DDX31: variants seen among roughly 807,000 people sequenced by gnomAD.
DDX31 encodes the protein DEAD-box helicase 31.
DDX31 carries 70 observed loss-of-function variants against 91.3 expected under a neutral mutation model. That is an observed-to-expected ratio of 0.77 (90% CI 0.63 to 0.94). The LOEUF is 0.94. DDX31 is among the 40% of genes least tolerant of loss of function. DDX31 has a pLI of 0.00. For synonymous variants in DDX31, 362 were observed against 350.6 expected, an observed-to-expected ratio of 1.03 and a Z score of -0.36; for missense variants, 902 against 925.0, an observed-to-expected ratio of 0.98 and a Z score of 0.32.
chr9:132,637,326 G>A lies in DDX31; in HGVS notation c.1440+4678C>T, dbSNP rs10435976. Among the ~76,000 whole-genome samples, 8 of 152,242 alleles carry A rather than the reference G, an allele frequency of 5.3e-5. No homozygotes were observed. In the South Asian group the frequency reaches 8.3e-4, roughly 16 times the overall value. Reference sequence around the variant, plus strand: ...TCATTTTATTCCTTTAAGCTAATTCGAGCAAAAGAATTGCTAAAGTCAGTT... The same window carrying A: ...TCATTTTATTCCTTTAAGCTAATTCAAGCAAAAGAATTGCTAAAGTCAGTT... On this transcript the variant is annotated intron_variant, in intron 14 of 19. Coordinates refer to ENST00000372159, the MANE Select transcript of DDX31 (RefSeq NM_022779.9).
chr9:132,628,058 A>T (rs546302177), intron 16 of DDX31, among the ~76,000 whole-genome samples: 2 of 152,256 alleles, frequency 1.3e-5, no homozygotes, highest in African/African-American at 4.8e-5. Flanking sequence ...TAAGTCAAAG[A>T]AACAGTTCAT....
At position 132,594,040 on chromosome 9, in the gene DDX31, G is replaced by T. The variant is rs368001464; in HGVS notation, c.*826C>A. On this transcript the variant is annotated 3_prime_UTR_variant, in exon 20 of 20. Transcript: ENST00000372159. ...GGGCAGGGCGGGGTGGGTCGGGGGC[G>T]GGGGGCGGGCAGCTGTGGCCTGGGT... 2.7e-5 allele frequency: 4 copies of T among 149,538 alleles called. No homozygotes were observed. The South Asian group carries it at 6.5e-4, about 24-fold the overall frequency. 9.3% of individuals were successfully genotyped at this position (149,538 alleles called of 1,614,324 possible). A position where few individuals can be genotyped will look rare whatever the true frequency, so the allele number is the denominator to read the frequency against.
At chr9:132,630,197 C>T in intron 16 of DDX31, 67 bp downstream of exon 16, 1 of 1,489,300 alleles carries the variant, frequency 6.7e-7, no homozygotes, top group Admixed American at 2.0e-5. Context: ...GGCCCATTCA[C>T]TGTAAAAAGC....
rs1354930724 is a variant in DDX31, at chr9:132,655,903, G to A, written c.588+2768C>T. Reference sequence around the variant, plus strand: ...TTTGGAATTCAAACCAGAGTTGTCTGTACTCAACATCGACTTTGTGAGACT... The same window carrying A: ...TTTGGAATTCAAACCAGAGTTGTCTATACTCAACATCGACTTTGTGAGACT... On this transcript the variant is annotated intron_variant, in intron 6 of 19. Coordinates refer to ENST00000372159, the MANE Select transcript of DDX31 (RefSeq NM_022779.9). Among the ~76,000 whole-genome samples the A allele has an allele frequency of 3.3e-5, 5 of 152,284 alleles. No individual in the cohort carries two copies. The East Asian group carries it at 7.7e-4, about 24-fold the overall frequency.
Position 132,648,210 on chromosome 9 carries a change from G to GCT in DDX31, c.945_946insAG (p.Leu316SerfsTer10). 2 of 1,613,824 alleles carry GCT rather than the reference G, an allele frequency of 1.2e-6. No homozygotes were observed. The highest frequency in any genetic ancestry group is 2.2e-5 in the South Asian group (2 of 91,006). On this transcript the variant is annotated frameshift_variant, in exon 11 of 20. Transcript: ENST00000372159. LOFTEE classifies it high-confidence loss of function. Reference sequence around the variant, plus strand: ...TCACCTTCTGTGAGTGTCGCTGATAGCAAGACATTCTGTCGTTTTTGGCAT... The same window carrying GCT: ...TCACCTTCTGTGAGTGTCGCTGATAGCTCAAGACATTCTGTCGTTTTTGGCAT...
intron 7 of DDX31, 43 bp from the exon 8 acceptor site, chr9:132,651,159 C>CT (rs200786970): frequency 0.18 from 211,961 of 1,189,314 alleles, 1,003 homozygotes; most frequent in Admixed American, 0.22. Context: ...CAGGATCCCC[C>CT]TTTTTTTTTT....
chr9:132,619,455 T>A (rs994165454), intron 17 of DDX31, among the ~76,000 whole-genome samples: 1 of 152,160 alleles, frequency 6.6e-6, no homozygotes, highest in East Asian at 1.9e-4. Context: ...GGACGGTGTA[T>A]GAGCGCCTGC....
In DDX31 at chr9:132,662,508, T is replaced by C. The variant is rs1030628739; in HGVS notation, c.263A>G (p.Gln88Arg). The C allele has an allele frequency of 6.2e-7, 1 of 1,614,118 alleles. No homozygotes were observed. Among genetic ancestry groups the C allele is most frequent in the Non-Finnish European group, 8.5e-7 (1 of 1,180,040 alleles). The change falls in exon 2 of 20, where the codon CAG becomes CGG. Residue 88 changes from glutamine to arginine, a missense_variant. By Grantham distance (43) the Gln-to-Arg change is conservative. Transcript: ENST00000372159. The stretch of plus-strand genomic sequence containing the variant: ...AGTCTTAATGCACTGTCTCTCCTCC[T>C]GGTTTCTATCACTTGTGCTAACCGA... ...KHSVSTSDRNQEERQCIKTSS... is the reference protein window; with the variant it reads ...KHSVSTSDRNREERQCIKTSS...
intron 14 of DDX31, among the ~76,000 whole-genome samples, chr9:132,632,661 G>C (rs1404412811): frequency 6.6e-6 from 1 of 151,960 alleles, no homozygotes; most frequent in African/African-American, 2.4e-5. Flanking sequence ...GAAGTGCAAA[G>C]TATTTACTTA....
chr9:132,654,932 C>A (rs1203264832), intron 6 of DDX31, among the ~76,000 whole-genome samples: 1 of 126,322 alleles, frequency 7.9e-6, no homozygotes, highest in East Asian at 2.3e-4. Flanking sequence ...GGCAACAGAG[C>A]GAGACTCTGT....
rs187325644 is a variant in DDX31 at position 132,600,065 on chromosome 9, C to T, written c.1995-4953G>A. 1.7e-3 allele frequency among the ~76,000 whole-genome samples: 255 copies of T among 152,322 alleles called. 1 individual carries two copies. The highest frequency in any genetic ancestry group is 2.9e-3 in the South Asian group (14 of 4,824). ...AGGGGAATGTGACAAGCGGGCCCTCCGTATGCTTGTACACAGAGGAGCTGA... is the reference window on the plus strand; with the variant it reads ...AGGGGAATGTGACAAGCGGGCCCTCTGTATGCTTGTACACAGAGGAGCTGA... On this transcript the variant is annotated intron_variant, in intron 19 of 19. Transcript: ENST00000372159.
chr9:132,615,312 C>T (rs1273938718), intron 18 of DDX31, among the ~76,000 whole-genome samples: 1 of 152,164 alleles, frequency 6.6e-6, no homozygotes, highest in African/African-American at 2.4e-5. Flanking sequence ...AAACAAACCT[C>T]CAGCCTGGAA....
intron 16 of DDX31, among the ~76,000 whole-genome samples, chr9:132,626,246 C>A (rs1412254234): frequency 6.6e-6 from 1 of 152,226 alleles, no homozygotes; most frequent in Non-Finnish European, 1.5e-5. Context: ...GCAGCACTGG[C>A]CTTTCTTCTT....
At chr9:132,659,884 C>G in intron 4 of DDX31, 104 bp from the exon 5 acceptor site, 1 of 1,018,318 alleles carries the variant, frequency 9.8e-7, no homozygotes, top group Non-Finnish European at 1.5e-6. Context: ...ATTCATCTGG[C>G]AACTGCCTCC....
In DDX31 at chr9:132,647,006, G is replaced by A. The variant is rs767272666; in HGVS notation, c.1020C>T (p.Val340=). The change falls in exon 12 of 20, where the codon GTC becomes GTT. Residue 340 remains valine (V), a synonymous_variant. Coordinates refer to ENST00000372159, the MANE Select transcript of DDX31 (RefSeq NM_022779.9). ...TCAACTGGTCATGGCTCTTGTCCAGGACAGAAATACTGACTGGATCATGCA... is the reference window on the plus strand; with the variant it reads ...TCAACTGGTCATGGCTCTTGTCCAGAACAGAAATACTGACTGGATCATGCA... ...ISLHDPVSIS[V]LDKSHDQLNP... 2.5e-6 allele frequency: 4 copies of A among 1,614,066 alleles called. No individual in the cohort carries two copies. Among genetic ancestry groups the A allele is most frequent in the Non-Finnish European group, 3.4e-6 (4 of 1,180,046 alleles).
At chr9:132,638,468 G>T (rs1833264623) in intron 14 of DDX31, 2 of 1,505,956 alleles carry the variant, frequency 1.3e-6, no homozygotes, top group East Asian at 2.3e-5. Flanking sequence ...AACTTCCAAT[G>T]ACTCCTTCTT....
intron 13 of DDX31, among the ~76,000 whole-genome samples, chr9:132,642,699 GA>G (rs1833576418): frequency 6.6e-6 from 1 of 151,528 alleles, no homozygotes. Context: ...TATAGCAACA[GA>G]ATATGAACAT....
chr9:132,632,239 T>TACAC (rs1491406800), intron 14 of DDX31, 148 bp from the exon 15 acceptor site: 1 of 52,894 alleles, frequency 1.9e-5, no homozygotes, highest in South Asian at 3.0e-4. Flanking sequence ...GCCCAGTACG[T>TACAC]GTACACACAC....
At position 132,595,089 on chromosome 9, in the gene DDX31, T is replaced by G; in HGVS notation, c.2018A>C (p.Gln673Pro). Residue 673 changes from glutamine (Q) to proline (P), a missense_variant, in exon 20 of 20, where the codon CAG becomes CCG. Physicochemically the swap from Gln to Pro is moderately conservative, Grantham distance 76. Coordinates refer to ENST00000372159, the MANE Select transcript of DDX31 (RefSeq NM_022779.9). This position sits in a 1 kb window ranked among gnomAD's most constrained non-coding sequence, Gnocchi z 4.6. ...VKRPDLHKKT[Q>P]SKHSLAEILR... is the part of the protein sequence containing the mutation. ...GATTTCAGCGAGGCTGTGTTTACTC[T>G]GGGTCTTCTTATGAAGGTCAGGCCT... The G allele has an allele frequency of 6.2e-7, 1 of 1,614,188 alleles. No individual in the cohort carries two copies. The highest frequency in any genetic ancestry group is 8.5e-7 in the Non-Finnish European group (1 of 1,180,006).
Sources: gnomAD v4.1 joint callset for allele counts (sites outside exome capture counted in the v4.1 genomes callset) on GRCh38, gnomAD v4.1.1 for gene constraint, Gnocchi (gnomAD v3.1) non-coding constraint, MANE v1.5 for transcripts, NCBI Gene and HGNC (gene_info 2026-07-23, HGNC 2026-07-21) for gene names.